The following BLNK variants were observed in gnomAD, a reference collection of about 807,000 sequenced individuals.
The protein encoded by BLNK is B-cell linker protein.
In BLNK, 29 loss-of-function variants were observed where a neutral mutation model predicts 73.5. The ratio of observed to expected loss-of-function variants is 0.39; its 90% CI spans 0.29 to 0.54. BLNK has a LOEUF of 0.54. BLNK is among the 20% of genes least tolerant of loss of function. The probability of loss-of-function intolerance (pLI) is 0.61; values close to 1 mark genes in which losing one functional copy is unlikely to be tolerated. For missense variants in BLNK, 460 were observed against 562.8 expected, an observed-to-expected ratio of 0.82 and a Z score of 1.85; for synonymous variants, 176 against 200.8, an observed-to-expected ratio of 0.88 and a Z score of 1.04.
chr10:96,257,240 G>A (rs186187830), intron 1 of BLNK, among the ~76,000 whole-genome samples: 15 of 152,338 alleles, frequency 9.8e-5, no homozygotes, highest in Admixed American at 9.8e-4. Context: ...GTTAGGCCAA[G>A]GAGATGGGGG....
At chr10:96,236,039 T>C (rs1279153499) in intron 3 of BLNK, among the ~76,000 whole-genome samples, 1 of 151,606 alleles carries the variant, frequency 6.6e-6, no homozygotes, top group Non-Finnish European at 1.5e-5. Flanking sequence ...GGTCTGGGAA[T>C]GGGAAGGGAT....
intron 1 of BLNK, among the ~76,000 whole-genome samples, chr10:96,268,622 C>T (rs1294689506): frequency 6.6e-6 from 1 of 152,196 alleles, no homozygotes; most frequent in Non-Finnish European, 1.5e-5. Context: ...GACCCATCCC[C>T]ACTGGGTTCA....
intron 3 of BLNK, chr10:96,239,234 A>C (rs1006913240): frequency 2.5e-6 from 1 of 398,432 alleles, no homozygotes; most frequent in Admixed American, 4.4e-5. Flanking sequence ...AAAGCCAGGG[A>C]ATGTTAGGAG....
chr10:96,250,489 A>T (rs1347893531), intron 1 of BLNK, among the ~76,000 whole-genome samples: 1 of 151,326 alleles, frequency 6.6e-6, no homozygotes, highest in Non-Finnish European at 1.5e-5. Context: ...ATTGCAAGGA[A>T]ATTCAATAAT....
intron 6 of BLNK, among the ~76,000 whole-genome samples, chr10:96,222,662 G>T (rs1358961493): frequency 1.3e-5 from 2 of 152,136 alleles, no homozygotes; most frequent in East Asian, 3.8e-4. Context: ...GAAGTGAGAA[G>T]CAAGAGCTGT....
chr10:96,200,996 T>C lies in BLNK; in HGVS notation c.997A>G (p.Thr333Ala). ...TCATTTCATACCTGTTCTGAAATAGTGGAATTAGATGAAAAGCTGGGTAGG... is the reference window on the plus strand; with the variant it reads ...TCATTTCATACCTGTTCTGAAATAGCGGAATTAGATGAAAAGCTGGGTAGG... ...GPLPSFSSNSTISEQEAGVLC... is the reference protein window; with the variant it reads ...GPLPSFSSNSAISEQEAGVLC... Residue 333 changes from threonine to alanine, a missense_variant, in exon 14 of 17, where the codon ACT (threonine) becomes GCT (alanine). Around this residue, in one of 3 missense-constraint regions of BLNK, gnomAD observed 233 missense variants for 232.1 expected, o/e 1.00. Transcript: ENST00000224337. This position sits in a 1 kb window ranked among gnomAD's most constrained non-coding sequence, Gnocchi z 4.3. 6.2e-7 allele frequency: 1 copy of C among 1,614,066 alleles called. No homozygotes were observed. The highest frequency in any genetic ancestry group is 1.6e-4 in the Middle Eastern group (1 of 6,062).
rs1253972353 is a variant in BLNK, at chr10:96,204,088, T to C, written c.903A>G (p.Lys301=). The C allele has an allele frequency of 8.7e-6, 14 of 1,613,834 alleles. No individual in the cohort carries two copies. Among genetic ancestry groups the C allele is most frequent in the African/African-American group, 1.3e-5 (1 of 74,924 alleles). The change falls in exon 13 of 17, where the codon AAA becomes AAG. Residue 301 remains lysine, a splice_region_variant and synonymous_variant. Transcript: ENST00000224337. Reference sequence around the variant, plus strand: ...GAGGTATGGGTTTTTGGTGGATTTGTCTGCAAGAAAGAATTTCAGATAATT... The same window carrying C: ...GAGGTATGGGTTTTTGGTGGATTTGCCTGCAAGAAAGAATTTCAGATAATT... ...VQSPVFPPAQ[K]QIHQKPIPLP...
At chr10:96,209,371 GATTT>G (rs3031836) in intron 9 of BLNK, among the ~76,000 whole-genome samples, 7 of 150,830 alleles carry the variant, frequency 4.6e-5, no homozygotes, top group African/African-American at 9.7e-5. Flanking sequence ...AATACTTCTA[GATTT>G]ATTTATTTAT....
chr10:96,219,492 G>A (rs2084145555), intron 6 of BLNK, among the ~76,000 whole-genome samples: 1 of 152,226 alleles, frequency 6.6e-6, no homozygotes, highest in African/African-American at 2.4e-5. Flanking sequence ...TCTTATGTCT[G>A]AACACAGAAT....
chr10:96,254,754 G>A lies in BLNK; in HGVS notation c.48-7705C>T, dbSNP rs192378964. On this transcript the variant is annotated intron_variant, in intron 1 of 16. Transcript: ENST00000224337. ...TCGAACTTCTGACCTCAGGTAATCC[G>A]CCCACCTCGGCCTCCCAAATTGCTG... 9.1e-3 allele frequency among the ~76,000 whole-genome samples: 1,390 copies of A among 151,922 alleles called. 10 individuals are homozygous for A. Among genetic ancestry groups the A allele is most frequent in the Non-Finnish European group, 0.012 (822 of 67,930 alleles).
chr10:96,204,517 G>A lies in BLNK; in HGVS notation c.902+15C>T. 6.2e-7 allele frequency: 1 copy of A among 1,612,952 alleles called. No homozygotes were observed. The highest frequency in any genetic ancestry group is 8.5e-7 in the Non-Finnish European group (1 of 1,178,974). The stretch of plus-strand genomic sequence containing the variant: ...CAACAAGAGGAAACTGATCTTTAAA[G>A]GAAAGGATTCTTACTTCTGGGCAGG... On this transcript the variant is annotated intron_variant, in intron 12 of 16. Coordinates refer to ENST00000224337, the MANE Select transcript of BLNK (RefSeq NM_013314.4).
At chr10:96,199,822 G>A (rs1226945155) in intron 15 of BLNK, 4 of 243,516 alleles carry the variant, frequency 1.6e-5, no homozygotes, top group African/African-American at 4.6e-5. Flanking sequence ...TCAGGAGTTC[G>A]AGAGCAGCCT....
rs1554915684 is a variant in BLNK at position 96,271,331 on chromosome 10, A to G, written c.47+21T>C. ...GGAAAAAAAGGAGATGAAGAAGGGT[A>G]TTGGGTGGGGAAAATCTTACCTCAA... On this transcript the variant is annotated intron_variant, in intron 1 of 16. Coordinates refer to ENST00000224337, the MANE Select transcript of BLNK (RefSeq NM_013314.4). 3 of 1,612,350 alleles carry G rather than the reference A, an allele frequency of 1.9e-6. No homozygotes were observed. The South Asian group carries it at 3.3e-5, about 18-fold the overall frequency.
intron 1 of BLNK, among the ~76,000 whole-genome samples, chr10:96,268,130 C>T (rs1458678848): frequency 6.6e-6 from 1 of 152,094 alleles, no homozygotes; most frequent in Non-Finnish European, 1.5e-5. Context: ...TGTCAAAGAC[C>T]TTTTCTAGTT....
intron 15 of BLNK, 142 bp from the exon 16 acceptor site, chr10:96,197,205 C>T (rs1489797383): frequency 5.1e-5 from 32 of 627,318 alleles, no homozygotes; most frequent in South Asian, 3.6e-4. Flanking sequence ...TATTGATTAG[C>T]GCTTGTCTTC....
chr10:96,217,840 C>G (rs1488737078), intron 6 of BLNK, among the ~76,000 whole-genome samples: 2 of 152,136 alleles, frequency 1.3e-5, no homozygotes, highest in Non-Finnish European at 2.9e-5. Flanking sequence ...ATTGCTTGTA[C>G]TTTTGATGTC....
At chr10:96,224,856 C>G (rs780348969) in intron 5 of BLNK, among the ~76,000 whole-genome samples, 67 of 152,092 alleles carry the variant, frequency 4.4e-4, no homozygotes, top group Non-Finnish European at 9.1e-4. Flanking sequence ...CACCACCATG[C>G]CTGGCTAATT....
chr10:96,238,964 G>A (rs1342029997), intron 3 of BLNK: 1 of 395,118 alleles, frequency 2.5e-6, no homozygotes, highest in African/African-American at 2.1e-5. Flanking sequence ...TGTAAATTCT[G>A]ATCCAGTAGT....
At chr10:96,204,336 C>T (rs1220718248) in intron 12 of BLNK, 196 bp downstream of exon 12, 1 of 713,482 alleles carries the variant, frequency 1.4e-6, no homozygotes, top group Non-Finnish European at 2.4e-6. Flanking sequence ...AATAATTAAC[C>T]CAATTAGTAG....
Sources: allele counts gnomAD v4.1 joint callset (sites outside exome capture counted in the v4.1 genomes callset), GRCh38; gene constraint gnomAD v4.1.1; regional missense constraint gnomAD v4.1.1; non-coding constraint Gnocchi (gnomAD v3.1); transcripts MANE v1.5; gene names NCBI Gene and HGNC (gene_info 2026-07-23, HGNC 2026-07-21).